SYN3: variants seen among roughly 807,000 people sequenced by gnomAD.
SYN3 encodes the protein synapsin-3.
Under a neutral mutation model 65.8 loss-of-function variants are expected in SYN3, and 35 were observed. That is an observed-to-expected ratio of 0.53 (90% CI 0.41 to 0.70). The LOEUF (loss-of-function observed/expected upper bound fraction) is 0.70. Ranked by LOEUF, SYN3 falls within the 30% of genes least tolerant of loss-of-function variation. The pLI, the probability that SYN3 is intolerant of heterozygous loss-of-function variation, is 0.00. For synonymous variants in SYN3, 270 were observed against 292.9 expected, an observed-to-expected ratio of 0.92 and a Z score of 0.80; for missense variants, 680 against 749.0, an observed-to-expected ratio of 0.91 and a Z score of 1.08.
At chr22:32,521,551 ATTC>A (rs2057882865) in intron 12 of SYN3, among the ~76,000 whole-genome samples, 1 of 148,444 alleles carries the variant, frequency 6.7e-6, no homozygotes, top group Admixed American at 6.9e-5. Context: ...GGGTTAAGAG[ATTC>A]TCCTGCCTCA....
At chr22:32,706,835 TCTC>T (rs1288596344) in intron 6 of SYN3, among the ~76,000 whole-genome samples, 3 of 152,164 alleles carry the variant, frequency 2.0e-5, no homozygotes, top group Non-Finnish European at 4.4e-5. Context: ...GGCTGCTCCT[TCTC>T]CTTCTCTCTG....
At chr22:32,816,912 C>A (rs1204325360) in intron 6 of SYN3, among the ~76,000 whole-genome samples, 1 of 152,192 alleles carries the variant, frequency 6.6e-6, no homozygotes, top group African/African-American at 2.4e-5. Flanking sequence ...GATCCTTGCA[C>A]CACCAATCTT....
intron 1 of SYN3, among the ~76,000 whole-genome samples, chr22:33,041,776 T>C (rs977526795): frequency 1.8e-4 from 27 of 152,056 alleles, no homozygotes; most frequent in African/African-American, 6.3e-4. Context: ...CCCCACCCCA[T>C]TGGATTAATG....
chr22:32,648,651 G>A (rs187463243), intron 6 of SYN3, among the ~76,000 whole-genome samples: 1 of 152,174 alleles, frequency 6.6e-6, no homozygotes, highest in Non-Finnish European at 1.5e-5. Context: ...CATGACCATG[G>A]GCAGGTTGAT....
At chr22:32,589,718 C>A (rs910753726) in intron 7 of SYN3, among the ~76,000 whole-genome samples, 7 of 152,144 alleles carry the variant, frequency 4.6e-5, no homozygotes, top group Non-Finnish European at 8.8e-5. Context: ...TAGAATCGGT[C>A]TAATCTATCT....
At chr22:32,587,732 G>A (rs2146537031) in intron 7 of SYN3, among the ~76,000 whole-genome samples, 1 of 152,302 alleles carries the variant, frequency 6.6e-6, no homozygotes, top group East Asian at 1.9e-4. Context: ...AAGCCAGCGT[G>A]TGCAAGATGC....
chr22:32,575,591 C>T (rs1175965487), intron 7 of SYN3, among the ~76,000 whole-genome samples: 6 of 152,226 alleles, frequency 3.9e-5, no homozygotes, highest in Non-Finnish European at 8.8e-5. Flanking sequence ...CAACTTTAAA[C>T]ATAATGTTTG....
At chr22:32,780,540 T>C (rs2046015730) in intron 6 of SYN3, among the ~76,000 whole-genome samples, 1 of 152,200 alleles carries the variant, frequency 6.6e-6, no homozygotes, top group Non-Finnish European at 1.5e-5. Flanking sequence ...ATCTCCACCC[T>C]TGGAAGCCTT....
At chr22:32,841,732 A>G (rs130305) in intron 6 of SYN3, among the ~76,000 whole-genome samples, 145,091 of 151,878 alleles carry the variant, frequency 0.96, 69,357 homozygotes, top group African/African-American at 0.99. Flanking sequence ...GCTAATGCAC[A>G]CTCGGCTTAA....
intron 6 of SYN3, among the ~76,000 whole-genome samples, chr22:32,718,158 A>G (rs1424862236): frequency 6.6e-6 from 1 of 152,124 alleles, no homozygotes; most frequent in East Asian, 1.9e-4. Flanking sequence ...TGCTACTCCC[A>G]GTCTGGCGAG....
Position 32,803,665 on chromosome 22 carries a change from C to A in SYN3, c.711+61250G>T, listed in dbSNP as rs557095857. Among the ~76,000 whole-genome samples the A allele has an allele frequency of 2.6e-4, 40 of 152,316 alleles. No individual in the cohort carries two copies. In the East Asian group the frequency reaches 7.5e-3, roughly 29 times the overall value. Reference sequence around the variant, plus strand: ...TCCACTTACCCTTTCCCTCCTCATCCCAGTTGGTAACATTCCCACCTGATT... The same window carrying A: ...TCCACTTACCCTTTCCCTCCTCATCACAGTTGGTAACATTCCCACCTGATT... On this transcript the variant is annotated intron_variant, in intron 6 of 13. Coordinates refer to ENST00000358763, the MANE Select transcript of SYN3 (RefSeq NM_003490.4).
intron 6 of SYN3, among the ~76,000 whole-genome samples, chr22:32,812,606 C>T (rs1452308969): frequency 6.6e-6 from 1 of 152,176 alleles, no homozygotes; most frequent in Non-Finnish European, 1.5e-5. Context: ...CTTTCCTTAT[C>T]CACAGCCTAC....
At chr22:32,854,775 G>A (rs151161846) in intron 6 of SYN3, among the ~76,000 whole-genome samples, 17 of 152,270 alleles carry the variant, frequency 1.1e-4, no homozygotes, top group South Asian at 8.3e-4. Flanking sequence ...CTGCGTTACC[G>A]TGCTCAGTTG....
Position 32,508,789 on chromosome 22 carries a change from AAC to A in SYN3, c.*4901_*4902del, listed in dbSNP as rs2057660020. 6.6e-6 allele frequency among the ~76,000 whole-genome samples: 1 copy of A among 152,210 alleles called. No individual in the cohort carries two copies. Among genetic ancestry groups the A allele is most frequent in the Admixed American group, 6.5e-5 (1 of 15,282 alleles). On this transcript the variant is annotated 3_prime_UTR_variant, in exon 14 of 14. Coordinates refer to ENST00000358763, the MANE Select transcript of SYN3 (RefSeq NM_003490.4). ...GAGGGCTGAGCTAAAACATGTCCTGAACACCTGCTGGGTGCCAAGCAATGTGC... is the reference window on the plus strand; with the variant it reads ...GAGGGCTGAGCTAAAACATGTCCTGAACCTGCTGGGTGCCAAGCAATGTGC...
At chr22:32,869,435 A>C (rs2048786032) in intron 4 of SYN3, among the ~76,000 whole-genome samples, 1 of 151,368 alleles carries the variant, frequency 6.6e-6, no homozygotes, top group East Asian at 2.0e-4. Flanking sequence ...AAAATATATC[A>C]AAGTGAATCA....
chr22:32,578,670 T>C (rs115106623), intron 7 of SYN3, among the ~76,000 whole-genome samples: 28 of 152,314 alleles, frequency 1.8e-4, no homozygotes, highest in African/African-American at 6.5e-4. Flanking sequence ...TCCTTGAACA[T>C]AGTAAGGGCA....
intron 9 of SYN3, among the ~76,000 whole-genome samples, chr22:32,536,294 G>A (rs1219014215): frequency 6.6e-6 from 1 of 152,224 alleles, no homozygotes; most frequent in Admixed American, 6.5e-5. Flanking sequence ...TAGCACAGGT[G>A]GGTTCCCAGG....
At chr22:33,022,260 A>G (rs1031739936) in intron 1 of SYN3, among the ~76,000 whole-genome samples, 5 of 152,248 alleles carry the variant, frequency 3.3e-5, no homozygotes, top group African/African-American at 1.2e-4. Flanking sequence ...TTTAAAATTC[A>G]TGGAGACAAC....
intron 6 of SYN3, among the ~76,000 whole-genome samples, chr22:32,755,604 A>G (rs1251823073): frequency 6.6e-6 from 1 of 152,184 alleles, no homozygotes; most frequent in Non-Finnish European, 1.5e-5. Flanking sequence ...TTTCTTGCCC[A>G]GGAAATCATG....
Sources: gnomAD v4.1 joint callset for allele counts (sites outside exome capture counted in the v4.1 genomes callset) on GRCh38, gnomAD v4.1.1 for gene constraint, MANE v1.5 for transcripts, NCBI Gene and HGNC (gene_info 2026-07-23, HGNC 2026-07-21) for gene names.